FCRL5: variants seen among roughly 807,000 people sequenced by gnomAD.
The protein encoded by FCRL5 is Fc receptor like 5.
A neutral mutation model predicts 92.1 loss-of-function variants in FCRL5; 79 were observed. That is an observed-to-expected ratio of 0.86 (90% CI 0.72 to 1.03). FCRL5 has a LOEUF of 1.03. Ranked by LOEUF, FCRL5 falls within the 50% of genes least tolerant of loss-of-function variation. The probability of loss-of-function intolerance (pLI) is 0.00; values close to 1 mark genes in which losing one functional copy is unlikely to be tolerated. For synonymous variants in FCRL5, 466 were observed against 469.3 expected, an observed-to-expected ratio of 0.99 and a Z score of 0.09; for missense variants, 1,160 against 1,181.1, an observed-to-expected ratio of 0.98 and a Z score of 0.26.
At chr1:157,542,735 A>G in intron 6 of FCRL5, 124 bp downstream of exon 6, 2 of 1,163,554 alleles carry the variant, frequency 1.7e-6, no homozygotes, top group Admixed American at 4.5e-5. Context: ...AGAGTGGAGG[A>G]GGACATTAGG....
At chr1:157,539,442 G>A (rs1651143657) in intron 6 of FCRL5, 78 bp from the exon 7 acceptor site, 1 of 1,390,490 alleles carries the variant, frequency 7.2e-7, no homozygotes, top group Non-Finnish European at 9.7e-7. Flanking sequence ...TAAATCTTGG[G>A]AACCCCAAAT....
In FCRL5 at chr1:157,521,251, T is replaced by C; in HGVS notation, c.2281A>G (p.Thr761Ala). 6.2e-7 allele frequency: 1 copy of C among 1,613,684 alleles called. No homozygotes were observed. The change falls in exon 11 of 17, where the codon ACC becomes GCC. Residue 761 changes from threonine (T) to alanine (A), a missense_variant. By Grantham distance (58) the Thr-to-Ala change is moderately conservative. Coordinates refer to ENST00000361835, the MANE Select transcript of FCRL5 (RefSeq NM_031281.3). ...AGCAGGTCCCCCACCGCAGCATGGG[T>C]CCCGGGAGCCCTGAGGGTGAGGACC... is the stretch of plus-strand genomic sequence containing the variant. ...RPVLTLRAPGTHAAVGDLLEL... is the reference protein window; with the variant it reads ...RPVLTLRAPGAHAAVGDLLEL...
Position 157,515,527 on chromosome 1 carries a change from T to C in FCRL5, c.*148A>G, listed in dbSNP as rs1362419715. On this transcript the variant is annotated 3_prime_UTR_variant, in exon 17 of 17. Coordinates refer to ENST00000361835, the MANE Select transcript of FCRL5 (RefSeq NM_031281.3). ...GACAGTCCAGCAGGGCCCTGCATTC[T>C]GGTCAGACTGAGAATGAGGACATGT... is the stretch of plus-strand genomic sequence containing the variant. 1.3e-6 allele frequency: 2 copies of C among 1,555,452 alleles called. No individual in the cohort carries two copies. Among genetic ancestry groups the C allele is most frequent in the Admixed American group, 1.7e-5 (1 of 58,558 alleles).
chr1:157,548,877 C>T (rs12567024), intron 2 of FCRL5, among the ~76,000 whole-genome samples: 2,738 of 152,188 alleles, frequency 0.018, 74 homozygotes, highest in East Asian at 0.12. Context: ...GTCAGTGTGG[C>T]GATTCCTCAG....
chr1:157,533,572 A>G (rs1650795144), intron 8 of FCRL5: 1 of 152,160 alleles, frequency 6.6e-6, no homozygotes, highest in Admixed American at 6.5e-5. Context: ...CTGAGGACCT[A>G]CTGTGTGCCA....
intron 15 of FCRL5, 134 bp downstream of exon 15, chr1:157,518,295 C>A (rs1571967): frequency 0.052 from 37,147 of 710,316 alleles, 5,352 homozygotes; most frequent in African/African-American, 0.42. Flanking sequence ...CATAGGCACA[C>A]ATAAAGAAGC....
In FCRL5 at chr1:157,518,446, T is replaced by A; in HGVS notation, c.2795A>T (p.Glu932Val). 8.7e-6 allele frequency: 14 copies of A among 1,614,118 alleles called. No individual in the cohort carries two copies. Among genetic ancestry groups the A allele is most frequent in the Non-Finnish European group, 1.2e-5 (14 of 1,179,930 alleles). The change falls in exon 15 of 17, where the codon GAG (glutamate) becomes GTG (valine). Residue 932 changes from glutamate to valine, a missense_variant. Coordinates refer to ENST00000361835, the MANE Select transcript of FCRL5 (RefSeq NM_031281.3). ...VVYSEVRIIQ[E>V]KKKHAVASDP... ...GGTCTTACCTGCATGTTTCTTTTTC[T>A]CTTGGATGATCCGTACTTCTGAGTA...
chr1:157,550,797 A>AAG (rs1651777239), intron 1 of FCRL5, among the ~76,000 whole-genome samples: 1 of 152,350 alleles, frequency 6.6e-6, no homozygotes, highest in South Asian at 2.1e-4. Context: ...ATGGGTAATG[A>AAG]AGAGAGAGAG....
chr1:157,532,793 A>AGAG (rs1650757447), intron 8 of FCRL5: 2 of 152,118 alleles, frequency 1.3e-5, no homozygotes, highest in African/African-American at 4.8e-5. Flanking sequence ...AAGGTCTTTG[A>AGAG]CGAGTCTAAT....
At chr1:157,524,136 AG>A in intron 10 of FCRL5, 142 bp downstream of exon 10, 1 of 750,716 alleles carries the variant, frequency 1.3e-6, no homozygotes, top group Non-Finnish European at 2.2e-6. Context: ...AGACTTTCAC[AG>A]GGAGGTTCTG....
intron 7 of FCRL5, among the ~76,000 whole-genome samples, chr1:157,536,013 C>T (rs906991848): frequency 2.2e-5 from 3 of 134,682 alleles, no homozygotes; most frequent in Non-Finnish European, 4.6e-5. Context: ...ATGATCTCAG[C>T]TCACTGCAAA....
At chr1:157,521,912 C>CAT (rs1650216342) in intron 10 of FCRL5, 1 of 152,068 alleles carries the variant, frequency 6.6e-6, no homozygotes, top group Non-Finnish European at 1.5e-5. Flanking sequence ...TAAAATATGC[C>CAT]AATATATTTC....
At chr1:157,530,748 G>A (rs1344952541) in intron 8 of FCRL5, among the ~76,000 whole-genome samples, 1 of 152,106 alleles carries the variant, frequency 6.6e-6, no homozygotes, top group Non-Finnish European at 1.5e-5. Flanking sequence ...TGGATGTTTG[G>A]GATGTTGTTG....
rs1377401845 is a variant in FCRL5, at chr1:157,515,430, G to A, written c.*245C>T. The A allele has an allele frequency of 3.2e-6, 2 of 629,296 alleles. No individual in the cohort carries two copies. Among genetic ancestry groups the A allele is most frequent in the Non-Finnish European group, 5.3e-6 (2 of 375,936 alleles). 39.0% of individuals were successfully genotyped at this position (629,296 alleles called of 1,614,324 possible). A position where few individuals can be genotyped will look rare whatever the true frequency, so the allele number is the denominator to read the frequency against. ...ACTAAGGAATCCAGGAGATGTGCTGGGCCCTGGAGTGGGAGCACCTTGCCA... is the reference window on the plus strand; with the variant it reads ...ACTAAGGAATCCAGGAGATGTGCTGAGCCCTGGAGTGGGAGCACCTTGCCA... On this transcript the variant is annotated 3_prime_UTR_variant, in exon 17 of 17. Transcript: ENST00000361835.
chr1:157,544,181 T>G (rs1387135233), intron 5 of FCRL5, 81 bp downstream of exon 5: 4 of 1,468,396 alleles, frequency 2.7e-6, no homozygotes, highest in Middle Eastern at 1.9e-4. Context: ...CTACAGAGAC[T>G]GGTGACCCAC....
chr1:157,542,630 A>C, intron 6 of FCRL5: 1 of 502,026 alleles, frequency 2.0e-6, no homozygotes, highest in Non-Finnish European at 3.5e-6. Flanking sequence ...GAACCAGGGG[A>C]TAGAAAGCCA....
chr1:157,544,919 A>G lies in FCRL5; in HGVS notation c.471T>C (p.Cys157=). ...AGCGATATGCACCATTGTCCTTGAG[A>G]CATGCATGAGGAATATGGAAGTCAG... ...KRTDFHIPHA[C]LKDNGAYRCT... is the part of the protein sequence containing the mutation. The change falls in exon 4 of 17, where the codon TGT becomes TGC. Residue 157 remains cysteine (C), a synonymous_variant. Coordinates refer to ENST00000361835, the MANE Select transcript of FCRL5 (RefSeq NM_031281.3). 6.2e-7 allele frequency: 1 copy of G among 1,614,096 alleles called. No homozygotes were observed. The highest frequency in any genetic ancestry group is 8.5e-7 in the Non-Finnish European group (1 of 1,179,894).
intron 7 of FCRL5, 108 bp from the exon 8 acceptor site, chr1:157,535,000 A>G (rs1400335486): frequency 1.9e-5 from 20 of 1,069,220 alleles, no homozygotes; most frequent in Non-Finnish European, 2.6e-5. Context: ...TCTAGACTTC[A>G]CCTACCTGGA....
intron 8 of FCRL5, among the ~76,000 whole-genome samples, chr1:157,531,219 A>C (rs1433466981): frequency 6.6e-6 from 1 of 152,224 alleles, no homozygotes; most frequent in Non-Finnish European, 1.5e-5. Flanking sequence ...ACATGAAAAA[A>C]ATGGTCAATA....
Sources: gnomAD v4.1 joint callset for allele counts (sites outside exome capture counted in the v4.1 genomes callset) on GRCh38, gnomAD v4.1.1 for gene constraint, MANE v1.5 for transcripts, NCBI Gene and HGNC (gene_info 2026-07-23, HGNC 2026-07-21) for gene names.